The following DLC1 variants were observed in gnomAD, a reference collection of about 807,000 sequenced individuals.
DLC1 encodes the protein rho GTPase-activating protein 7.
In DLC1, 54 loss-of-function variants were observed where a neutral mutation model predicts 140.3. The observed-to-expected ratio is 0.38, with a 90% confidence interval of 0.31 to 0.48. The LOEUF (loss-of-function observed/expected upper bound fraction) is 0.48. DLC1 is among the 20% of genes least tolerant of loss of function. The pLI is 0.96. For missense variants in DLC1, 2,536 were observed against 1,907.0 expected, an observed-to-expected ratio of 1.33 and a Z score of -6.14; for synonymous variants, 986 against 728.1, an observed-to-expected ratio of 1.35 and a Z score of -5.70.
At chr8:13,370,894 C>T (rs958292162) in intron 4 of DLC1, among the ~76,000 whole-genome samples, 1 of 152,144 alleles carries the variant, frequency 6.6e-6, no homozygotes, top group African/African-American at 2.4e-5. Flanking sequence ...TACTCCCCAC[C>T]ACAACACAGC....
chr8:13,568,027 C>T (rs1252517604), intron 1 of DLC1: 5 of 1,383,322 alleles, frequency 3.6e-6, no homozygotes, highest in South Asian at 1.6e-5. Context: ...TAACTTAAGA[C>T]TTTACTATGC....
At chr8:13,387,099 A>G (rs531641546) in intron 4 of DLC1, among the ~76,000 whole-genome samples, 2 of 152,130 alleles carry the variant, frequency 1.3e-5, no homozygotes, top group Admixed American at 1.3e-4. Flanking sequence ...TCCCTTAAAA[A>G]TTCCATGTAT....
Position 13,088,601 on chromosome 8 carries a change from T to A in DLC1, c.4178A>T (p.Asp1393Val). ...CACTTTTGAATCCAACAGGTCTACA[T>A]CCCAGAGGTGCTGTTCTTTAAGTAG... Reference protein sequence around the residue: ...KRLLKEQHLWDVDLLDSKVIE... With the variant: ...KRLLKEQHLWVVDLLDSKVIE... Residue 1393 changes from aspartate to valine, a missense_variant, in exon 16 of 18, where the codon GAT (aspartate) becomes GTT (valine). Asp to Val is a radical substitution (Grantham distance 152). Transcript: ENST00000276297. 5 of 1,614,170 alleles carry A rather than the reference T, an allele frequency of 3.1e-6. No homozygotes were observed. The highest frequency in any genetic ancestry group is 4.2e-6 in the Non-Finnish European group (5 of 1,180,042).
intron 5 of DLC1, among the ~76,000 whole-genome samples, chr8:13,137,009 G>T (rs1822612592): frequency 6.6e-6 from 1 of 152,102 alleles, no homozygotes; most frequent in Non-Finnish European, 1.5e-5. Flanking sequence ...ATTTATTAAT[G>T]TTAGCCACCA....
intron 1 of DLC1, among the ~76,000 whole-genome samples, chr8:13,543,418 C>A (rs1179511728): frequency 1.3e-5 from 2 of 152,048 alleles, no homozygotes; most frequent in Non-Finnish European, 2.9e-5. Context: ...ATAATGACTT[C>A]TTTTCCTTTG....
At chr8:13,397,855 A>G (rs999207231) in intron 3 of DLC1, among the ~76,000 whole-genome samples, 1 of 151,482 alleles carries the variant, frequency 6.6e-6, no homozygotes, top group Non-Finnish European at 1.5e-5. Flanking sequence ...GACCTTGGCC[A>G]GGTGTGGTGG....
At chr8:13,596,340 C>A (rs982947042) in intron 1 of DLC1, among the ~76,000 whole-genome samples, 1 of 151,958 alleles carries the variant, frequency 6.6e-6, no homozygotes, top group African/African-American at 2.4e-5. Context: ...CTTTTCTTGG[C>A]AGAGCCCCTC....
At chr8:13,139,730 C>A (rs1490531512) in intron 5 of DLC1, among the ~76,000 whole-genome samples, 4 of 152,238 alleles carry the variant, frequency 2.6e-5, no homozygotes, top group Non-Finnish European at 5.9e-5. Context: ...CTTCCAGCCC[C>A]AACATCCATT....
intron 5 of DLC1, among the ~76,000 whole-genome samples, chr8:13,253,193 C>A (rs1228050675): frequency 4.6e-5 from 7 of 152,140 alleles, no homozygotes; most frequent in African/African-American, 1.7e-4. Context: ...GAAGTGAAAT[C>A]AGTTAAAAAT....
rs531860314 is a variant in DLC1 at position 13,446,862 on chromosome 8, A to C, written c.1024-45243T>G. ...GAGGCTGAGGCAGAAGAATCGCTTG[A>C]ACCCGGGAGGCGGAAGTTGCAGTGA... On this transcript the variant is annotated intron_variant, in intron 2 of 17. Transcript: ENST00000276297. Among the ~76,000 whole-genome samples the C allele has an allele frequency of 7.6e-4, 115 of 152,126 alleles. 1 individual carries two copies. The highest frequency in any genetic ancestry group is 1.1e-3 in the Non-Finnish European group (74 of 68,014).
chr8:13,539,173 T>TTGTGTGTG (rs5889450), intron 1 of DLC1, among the ~76,000 whole-genome samples: 1 of 110,388 alleles, frequency 9.1e-6, no homozygotes, highest in Non-Finnish European at 1.9e-5. Context: ...GATCTGCAAA[T>TTGTGTGTG]TGTATGTATG....
intron 5 of DLC1, among the ~76,000 whole-genome samples, chr8:13,177,274 T>C (rs1825805716): frequency 6.6e-6 from 1 of 152,210 alleles, no homozygotes. Context: ...ATGTATTTTA[T>C]ATCTTTTCTA....
At chr8:13,548,219 A>G (rs1198408018) in intron 1 of DLC1, among the ~76,000 whole-genome samples, 1 of 152,064 alleles carries the variant, frequency 6.6e-6, no homozygotes, top group African/African-American at 2.4e-5. Context: ...AAAGTTAACA[A>G]TCCCACGCCT....
At chr8:13,443,818 G>C (rs1335326441) in intron 2 of DLC1, among the ~76,000 whole-genome samples, 1 of 152,070 alleles carries the variant, frequency 6.6e-6, no homozygotes, top group South Asian at 2.1e-4. Flanking sequence ...AGGTTATATT[G>C]AATTTTTATG....
chr8:13,581,961 C>G (rs1045899415), intron 1 of DLC1, among the ~76,000 whole-genome samples: 15 of 152,014 alleles, frequency 9.9e-5, no homozygotes, highest in African/African-American at 1.2e-4. Context: ...TAGAAAAACT[C>G]TGTGTGTGAG....
chr8:13,330,208 T>TC (rs2116940685), intron 4 of DLC1, among the ~76,000 whole-genome samples: 1 of 152,264 alleles, frequency 6.6e-6, no homozygotes, highest in Non-Finnish European at 1.5e-5. Context: ...TTTCTCGGCC[T>TC]CCCAAAATGC....
chr8:13,234,358 T>C (rs974109552), intron 5 of DLC1, among the ~76,000 whole-genome samples: 1 of 152,164 alleles, frequency 6.6e-6, no homozygotes, highest in Non-Finnish European at 1.5e-5. Context: ...CATCTACTAG[T>C]TGAAGACAAA....
At chr8:13,166,354 T>A (rs1825106520) in intron 5 of DLC1, among the ~76,000 whole-genome samples, 1 of 152,130 alleles carries the variant, frequency 6.6e-6, no homozygotes, top group African/African-American at 2.4e-5. Flanking sequence ...TATTTATTTA[T>A]TTTTTTAGAC....
chr8:13,270,717 T>C (rs1351632025), intron 5 of DLC1, among the ~76,000 whole-genome samples: 1 of 152,172 alleles, frequency 6.6e-6, no homozygotes, highest in Non-Finnish European at 1.5e-5. Context: ...CATTTGCCAT[T>C]GACATTTTAC....
Sources: gnomAD v4.1 joint callset for allele counts (sites outside exome capture counted in the v4.1 genomes callset) on GRCh38, gnomAD v4.1.1 for gene constraint, MANE v1.5 for transcripts, NCBI Gene and HGNC (gene_info 2026-07-23, HGNC 2026-07-21) for gene names.